FLRT2: variants seen among roughly 807,000 people sequenced by gnomAD.
FLRT2 encodes fibronectin leucine rich transmembrane protein 2.
Under a neutral mutation model 40.0 loss-of-function variants are expected in FLRT2, and 15 were observed. The ratio of observed to expected loss-of-function variants is 0.38; its 90% confidence interval spans 0.25 to 0.58. The LOEUF (loss-of-function observed/expected upper bound fraction) is 0.58, where lower values mean the gene tolerates loss of function less well. Among genes scored for constraint, FLRT2 ranks in the 20% least tolerant of loss-of-function variants. The pLI is 0.71. For missense variants in FLRT2, 726 were observed against 840.0 expected (o/e 0.86, Z 1.68); for synonymous variants, 380 against 336.8 (o/e 1.13, Z -1.41).
rs1047254901 is a variant in FLRT2, at chr14:85,645,254, G to A, written c.*21757G>A. On this transcript the variant is annotated 3_prime_UTR_variant, in exon 2 of 2. Coordinates refer to ENST00000330753, the MANE Select transcript of FLRT2 (RefSeq NM_013231.6). ...TGTATATACATATATGTATACATGT[G>A]TATATATGTATACATGTGTATATAT... 9.9e-6 allele frequency: 1 copy of A among 100,628 alleles called. No individual in the cohort carries two copies. Among genetic ancestry groups the A allele is most frequent in the Non-Finnish European group, 2.0e-5 (1 of 49,346 alleles). The allele number at this position is 100,628 out of a possible 1,614,324, so 6.2% of individuals were successfully genotyped here.
At chr14:85,581,648 A>T (rs1276104150) in intron 1 of FLRT2, among the ~76,000 whole-genome samples, 2 of 152,216 alleles carry the variant, frequency 1.3e-5, no homozygotes, top group African/African-American at 4.8e-5. Context: ...AAGTAGTAAC[A>T]TTATATACAT....
At position 85,647,959 on chromosome 14, in the gene FLRT2, G is replaced by C. The variant is rs1894347207; in HGVS notation, c.*24462G>C. ...GAGTAAGAAATTAATAACTACTCCT[G>C]TTCTCTTCTTTGCCTTGTTATGCAT... is the stretch of plus-strand genomic sequence containing the variant. On this transcript the variant is annotated 3_prime_UTR_variant, in exon 2 of 2. Coordinates refer to ENST00000330753, the MANE Select transcript of FLRT2 (RefSeq NM_013231.6). 6.6e-6 allele frequency: 1 copy of C among 152,082 alleles called. No individual in the cohort carries two copies. The highest frequency in any genetic ancestry group is 2.4e-5 in the African/African-American group (1 of 41,434). The allele number at this position is 152,082 out of a possible 1,614,324, so 9.4% of individuals were successfully genotyped here. A position where few individuals can be genotyped will look rare whatever the true frequency, so the allele number is the denominator to read the frequency against.
chr14:85,599,047 A>G (rs1892265608), intron 1 of FLRT2, among the ~76,000 whole-genome samples: 1 of 150,938 alleles, frequency 6.6e-6, no homozygotes, highest in Non-Finnish European at 1.5e-5. Flanking sequence ...CCTCCCGAGT[A>G]GCTGGGACTA....
At position 85,640,784 on chromosome 14, in the gene FLRT2, A is replaced by G. The variant is rs1052493809; in HGVS notation, c.*17287A>G. 8.5e-6 allele frequency: 1 copy of G among 117,212 alleles called. No individual in the cohort carries two copies. The highest frequency in any genetic ancestry group is 3.4e-5 in the African/African-American group (1 of 29,588). The allele number at this position is 117,212 out of a possible 1,614,324, so 7.3% of individuals were successfully genotyped here. ...ATAGTGTGGCAAACACATCATTAGA[A>G]ACTGCCTCCTATTCACTCTCTTAAT... On this transcript the variant is annotated 3_prime_UTR_variant, in exon 2 of 2. Transcript: ENST00000330753.
intron 1 of FLRT2, among the ~76,000 whole-genome samples, chr14:85,598,821 C>G (rs1892251863): frequency 1.3e-5 from 2 of 152,114 alleles, no homozygotes; most frequent in African/African-American, 2.4e-5. Context: ...ATTCAGACAG[C>G]CTCTCTTTAA....
At chr14:85,606,815 C>T (rs1176457785) in intron 1 of FLRT2, among the ~76,000 whole-genome samples, 1 of 151,240 alleles carries the variant, frequency 6.6e-6, no homozygotes, top group Non-Finnish European at 1.5e-5. Context: ...AGCCACCGCA[C>T]CCGGCCGTTA....
intron 1 of FLRT2, among the ~76,000 whole-genome samples, chr14:85,535,416 T>A: frequency 6.7e-6 from 1 of 150,144 alleles, no homozygotes; most frequent in East Asian, 2.0e-4. Context: ...TGTCCAGGGA[T>A]ATATTAGGTT....
Position 85,622,554 on chromosome 14 carries a change from G to A in FLRT2, c.1040G>A (p.Gly347Glu). ...FMCQGPEQVR[G>E]MAVRELNMNL... Reference sequence around the variant, plus strand: ...TGCCAAGGTCCTGAACAAGTCCGGGGGATGGCCGTCAGGGAATTAAATATG... The same window carrying A: ...TGCCAAGGTCCTGAACAAGTCCGGGAGATGGCCGTCAGGGAATTAAATATG... The change falls in exon 2 of 2, where the codon GGG (glycine) becomes GAG (glutamate). Residue 347 changes from glycine to glutamate, a missense_variant. By Grantham distance (98) the Gly-to-Glu change is moderately conservative. Coordinates refer to ENST00000330753, the MANE Select transcript of FLRT2 (RefSeq NM_013231.6). 6.2e-7 allele frequency: 1 copy of A among 1,613,848 alleles called. No individual in the cohort carries two copies. Among genetic ancestry groups the A allele is most frequent in the Non-Finnish European group, 8.5e-7 (1 of 1,180,000 alleles).
In FLRT2 at chr14:85,634,732, T is replaced by G. The variant is rs1893962364; in HGVS notation, c.*11235T>G. 3 of 152,182 alleles carry G rather than the reference T, an allele frequency of 2.0e-5. No homozygotes were observed. Among genetic ancestry groups the G allele is most frequent in the Non-Finnish European group, 4.4e-5 (3 of 68,022 alleles). 9.4% of individuals were successfully genotyped at this position (152,182 alleles called of 1,614,324 possible). A position where few individuals can be genotyped will look rare whatever the true frequency, so the allele number is the denominator to read the frequency against. On this transcript the variant is annotated 3_prime_UTR_variant, in exon 2 of 2. Coordinates refer to ENST00000330753, the MANE Select transcript of FLRT2 (RefSeq NM_013231.6). ...CCTCAACAGTAACCATACTGCACAG[T>G]GCCTGACACATATAAAGTGCTCAAT...
chr14:85,584,913 G>A (rs758661247), intron 1 of FLRT2, among the ~76,000 whole-genome samples: 10 of 151,902 alleles, frequency 6.6e-5, no homozygotes, highest in Admixed American at 2.6e-4. Context: ...GGCATAGAGT[G>A]GGGGTGGGAG....
chr14:85,558,112 C>G (rs1890088594), intron 1 of FLRT2, among the ~76,000 whole-genome samples: 1 of 152,026 alleles, frequency 6.6e-6, no homozygotes, highest in African/African-American at 2.4e-5. Context: ...ATAAACAGAC[C>G]ATAAGGAGAT....
At position 85,623,823 on chromosome 14, in the gene FLRT2, C is replaced by T. The variant is rs1244337220; in HGVS notation, c.*326C>T. 1.7e-5 allele frequency: 4 copies of T among 230,030 alleles called. No individual in the cohort carries two copies. Among genetic ancestry groups the T allele is most frequent in the Non-Finnish European group, 2.7e-5 (3 of 110,652 alleles). The allele number at this position is 230,030 out of a possible 1,614,324, so 14.2% of individuals were successfully genotyped here. A position where few individuals can be genotyped will look rare whatever the true frequency, so the allele number is the denominator to read the frequency against. On this transcript the variant is annotated 3_prime_UTR_variant, in exon 2 of 2. Coordinates refer to ENST00000330753, the MANE Select transcript of FLRT2 (RefSeq NM_013231.6). ...GAACGAGTGATTTTTCCTTAGGATACACATCAACCACTTTGCTGTTGAAGC... is the reference window on the plus strand; with the variant it reads ...GAACGAGTGATTTTTCCTTAGGATATACATCAACCACTTTGCTGTTGAAGC...
chr14:85,575,577 T>C (rs1891096045), intron 1 of FLRT2, among the ~76,000 whole-genome samples: 1 of 152,086 alleles, frequency 6.6e-6, no homozygotes, highest in Non-Finnish European at 1.5e-5. Context: ...AGATGAACAG[T>C]TTCCTTCCCT....
chr14:85,532,148 C>T (rs1888324163), intron 1 of FLRT2, among the ~76,000 whole-genome samples: 1 of 152,230 alleles, frequency 6.6e-6, no homozygotes. Flanking sequence ...CAGCCTGTGG[C>T]GGCCACTGCC....
chr14:85,549,427 G>A (rs146863078), intron 1 of FLRT2, among the ~76,000 whole-genome samples: 26 of 152,310 alleles, frequency 1.7e-4, no homozygotes, highest in Admixed American at 1.4e-3. Flanking sequence ...CTGCCCATGA[G>A]GGGTTGAGAG....
At chr14:85,611,247 ACG>A (rs1892843813) in intron 1 of FLRT2, among the ~76,000 whole-genome samples, 1 of 113,954 alleles carries the variant, frequency 8.8e-6, no homozygotes, top group Non-Finnish European at 1.8e-5. Flanking sequence ...TGTGCGTCAC[ACG>A]GGCCTCCTGC....
intron 1 of FLRT2, among the ~76,000 whole-genome samples, chr14:85,609,071 C>T (rs1473160031): frequency 1.1e-4 from 16 of 152,120 alleles, no homozygotes; most frequent in Admixed American, 9.2e-4. Flanking sequence ...ACTGAGGTTC[C>T]GTCCTGAAAC....
intron 1 of FLRT2, among the ~76,000 whole-genome samples, chr14:85,614,375 T>TA (rs1160733686): frequency 1.5e-5 from 2 of 131,452 alleles, no homozygotes; most frequent in Admixed American, 1.4e-4. Context: ...CCTTTGAAAT[T>TA]AAAAAAAAAA....
rs1894300987 is a variant in FLRT2, at chr14:85,646,248, A to G, written c.*22751A>G. On this transcript the variant is annotated 3_prime_UTR_variant, in exon 2 of 2. Transcript: ENST00000330753. ...AATCAGTTAGAGTGTCACTTGGATG[A>G]AGCTGTAATTGGAAGTTGAGGACAC... The G allele has an allele frequency of 6.6e-6, 1 of 152,166 alleles. No individual in the cohort carries two copies. Among genetic ancestry groups the G allele is most frequent in the Non-Finnish European group, 1.5e-5 (1 of 68,018 alleles). The allele number at this position is 152,166 out of a possible 1,614,324, so 9.4% of individuals were successfully genotyped here.
Sources: gnomAD v4.1 joint callset for allele counts (sites outside exome capture counted in the v4.1 genomes callset) on GRCh38, gnomAD v4.1.1 for gene constraint, MANE v1.5 for transcripts, NCBI Gene and HGNC (gene_info 2026-07-23, HGNC 2026-07-21) for gene names.